The following NPAS3 variants were observed in gnomAD, a reference collection of about 807,000 sequenced individuals.
NPAS3 encodes the protein neuronal PAS domain-containing protein 3.
NPAS3 carries 14 observed loss-of-function variants against 73.1 expected under a neutral mutation model. The observed-to-expected ratio is 0.19, with a 90% CI of 0.13 to 0.30. The LOEUF is 0.30. Among genes scored for constraint, NPAS3 ranks in the 10% least tolerant of loss-of-function variants. The pLI, the probability that NPAS3 is intolerant of heterozygous loss-of-function variation, is 1.00. For missense variants in NPAS3, 1,096 were observed against 1,250.0 expected, an observed-to-expected ratio of 0.88 and a Z score of 1.86; for synonymous variants, 620 against 541.5, an observed-to-expected ratio of 1.14 and a Z score of -2.01.
At chr14:33,370,628 G>A (rs2046046450) in intron 4 of NPAS3, among the ~76,000 whole-genome samples, 1 of 152,112 alleles carries the variant, frequency 6.6e-6, no homozygotes, top group Admixed American at 6.6e-5. Flanking sequence ...CAACGTCCAG[G>A]AAGTCTGTGA....
intron 2 of NPAS3, among the ~76,000 whole-genome samples, chr14:33,158,593 G>T (rs569178518): frequency 1.3e-5 from 2 of 152,142 alleles, no homozygotes; most frequent in South Asian, 2.1e-4. Flanking sequence ...GAGTTCTAAG[G>T]TACTGCAGAG....
chr14:33,108,668 A>G (rs939071940), intron 2 of NPAS3, among the ~76,000 whole-genome samples: 1 of 152,184 alleles, frequency 6.6e-6, no homozygotes, highest in Admixed American at 6.5e-5. Context: ...GTTTGTTTAT[A>G]TTGAAACTAT....
intron 4 of NPAS3, among the ~76,000 whole-genome samples, chr14:33,381,869 G>A (rs1020222685): frequency 3.9e-5 from 6 of 152,110 alleles, no homozygotes; most frequent in African/African-American, 1.2e-4. Context: ...AGCCCTGTTT[G>A]CTGACCATTT....
At position 33,246,544 on chromosome 14, in the gene NPAS3, A is replaced by G. The variant is rs563920624; in HGVS notation, c.385+31118A>G. On this transcript the variant is annotated intron_variant, in intron 3 of 11. Transcript: ENST00000356141. ...AACAGCGAGACTTCATCTCAAAAAA[A>G]AAAAAAAAAAAAAGAAGAACTAAGT... 1.9e-3 allele frequency among the ~76,000 whole-genome samples: 282 copies of G among 150,008 alleles called. 5 individuals carry two copies. Among genetic ancestry groups the G allele is most frequent in the Non-Finnish European group, 1.9e-3 (129 of 67,592 alleles).
intron 3 of NPAS3, among the ~76,000 whole-genome samples, chr14:33,313,673 A>G (rs990194913): frequency 2.6e-5 from 4 of 152,214 alleles, no homozygotes; most frequent in African/African-American, 7.2e-5. Flanking sequence ...ATTTGATATT[A>G]TCCTCGTAAT....
intron 3 of NPAS3, among the ~76,000 whole-genome samples, chr14:33,305,924 A>G (rs2042736733): frequency 6.6e-6 from 1 of 152,202 alleles, no homozygotes; most frequent in African/African-American, 2.4e-5. Context: ...CCAGCAAAAC[A>G]TTAAATGTTT....
At chr14:33,505,159 A>G (rs1343134731) in intron 4 of NPAS3, among the ~76,000 whole-genome samples, 2 of 152,048 alleles carry the variant, frequency 1.3e-5, no homozygotes, top group Non-Finnish European at 2.9e-5. Context: ...AAGTTTGTTA[A>G]TAACAAGAAT....
chr14:32,982,088 A>G (rs1165004254), intron 1 of NPAS3, among the ~76,000 whole-genome samples: 1 of 152,234 alleles, frequency 6.6e-6, no homozygotes. Flanking sequence ...TATAAAGAAG[A>G]GAAATTTAAT....
chr14:33,645,857 C>A (rs1419204950), intron 5 of NPAS3, among the ~76,000 whole-genome samples: 5 of 152,216 alleles, frequency 3.3e-5, no homozygotes, highest in Non-Finnish European at 5.9e-5. Context: ...AGCCATGAAG[C>A]ACTACATGAG....
At chr14:32,972,597 A>G (rs2037481499) in intron 1 of NPAS3, among the ~76,000 whole-genome samples, 1 of 152,178 alleles carries the variant, frequency 6.6e-6, no homozygotes, top group Non-Finnish European at 1.5e-5. Context: ...AAAATGACCC[A>G]TGCTGAATCC....
chr14:32,999,308 G>A (rs768316553), intron 1 of NPAS3, among the ~76,000 whole-genome samples: 21 of 152,088 alleles, frequency 1.4e-4, no homozygotes, highest in Admixed American at 5.2e-4. Flanking sequence ...TCAGGAGATT[G>A]AGACCATCCT....
intron 5 of NPAS3, among the ~76,000 whole-genome samples, chr14:33,672,038 A>G (rs898135063): frequency 1.1e-4 from 17 of 152,226 alleles, no homozygotes; most frequent in Admixed American, 1.1e-3. Flanking sequence ...TAGTTAAGAA[A>G]TATTAATTTT....
At chr14:32,973,682 C>T (rs2037533648) in intron 1 of NPAS3, among the ~76,000 whole-genome samples, 1 of 151,834 alleles carries the variant, frequency 6.6e-6, no homozygotes, top group South Asian at 2.1e-4. Flanking sequence ...ATTACAGGTG[C>T]ATGCTACCAC....
At chr14:33,676,969 A>ATTGGGATTCCTTCCAGGACTCT (rs2059788014) in intron 6 of NPAS3, among the ~76,000 whole-genome samples, 1 of 152,222 alleles carries the variant, frequency 6.6e-6, no homozygotes. Flanking sequence ...GACATTCCTC[A>ATTGGGATTCCTTCCAGGACTCT]TTGGGATTCC....
intron 4 of NPAS3, among the ~76,000 whole-genome samples, chr14:33,546,357 G>A (rs766807463): frequency 6.6e-6 from 1 of 152,158 alleles, no homozygotes; most frequent in Non-Finnish European, 1.5e-5. Context: ...TCCTCTACCA[G>A]GCATCACCCT....
intron 3 of NPAS3, among the ~76,000 whole-genome samples, chr14:33,282,378 C>G (rs559422446): frequency 6.6e-6 from 1 of 152,228 alleles, no homozygotes; most frequent in East Asian, 1.9e-4. Flanking sequence ...TTGAGCTAAT[C>G]GATTAAAACC....
chr14:33,642,523 A>ATTTCT (rs1047995916), intron 5 of NPAS3, among the ~76,000 whole-genome samples: 1 of 152,168 alleles, frequency 6.6e-6, no homozygotes, highest in Non-Finnish European at 1.5e-5. Context: ...TTTATAGATC[A>ATTTCT]TTTCTTTTAA....
At chr14:33,573,256 T>G (rs1037520351) in intron 5 of NPAS3, among the ~76,000 whole-genome samples, 3 of 152,132 alleles carry the variant, frequency 2.0e-5, no homozygotes, top group Non-Finnish European at 2.9e-5. Context: ...CAGCTAGTAT[T>G]TGCTGAATGA....
intron 2 of NPAS3, among the ~76,000 whole-genome samples, chr14:33,080,733 A>T (rs1024097982): frequency 6.6e-6 from 1 of 152,188 alleles, no homozygotes; most frequent in South Asian, 2.1e-4. Flanking sequence ...GCCAGAGAGC[A>T]TTGTTGCGTG....
Sources: allele counts gnomAD v4.1 joint callset (sites outside exome capture counted in the v4.1 genomes callset), GRCh38; gene constraint gnomAD v4.1.1; transcripts MANE v1.5; gene names NCBI Gene and HGNC (gene_info 2026-07-23, HGNC 2026-07-21).